TRERF1: variants seen among roughly 807,000 people sequenced by gnomAD.
TRERF1 encodes the protein transcriptional-regulating factor 1.
TRERF1 carries 27 observed loss-of-function variants against 122.9 expected under a neutral mutation model. The ratio of observed to expected loss-of-function variants is 0.22; its 90% CI spans 0.16 to 0.30. TRERF1 has a LOEUF of 0.30. Among genes scored for constraint, TRERF1 ranks in the 10% least tolerant of loss-of-function variants. The probability of loss-of-function intolerance (pLI) is 1.00; values close to 1 mark genes in which losing one functional copy is unlikely to be tolerated. For missense variants in TRERF1, 1,248 were observed against 1,560.3 expected (o/e 0.80, Z 3.37); for synonymous variants, 636 against 641.7 (o/e 0.99, Z 0.13).
chr6:42,360,676 C>T (rs1051132157), intron 3 of TRERF1, among the ~76,000 whole-genome samples: 2 of 149,790 alleles, frequency 1.3e-5, no homozygotes, highest in Admixed American at 6.7e-5. Flanking sequence ...GAACTCTACA[C>T]ACCCCCAGCC....
chr6:42,418,999 C>T (rs191907473), intron 2 of TRERF1, among the ~76,000 whole-genome samples: 1 of 152,312 alleles, frequency 6.6e-6, no homozygotes, highest in East Asian at 1.9e-4. Flanking sequence ...ACAATGCATT[C>T]ACTTCTCCTC....
chr6:42,292,914 GT>G (rs2150161777), intron 4 of TRERF1, among the ~76,000 whole-genome samples: 1 of 152,288 alleles, frequency 6.6e-6, no homozygotes, highest in African/African-American at 2.4e-5. Flanking sequence ...TTTCAAGAGG[GT>G]ACCCAGCTCT....
At chr6:42,439,981 G>A (rs903833149) in intron 2 of TRERF1, among the ~76,000 whole-genome samples, 7 of 152,126 alleles carry the variant, frequency 4.6e-5, no homozygotes, top group Non-Finnish European at 1.5e-5. Context: ...GGCATTTCCA[G>A]CCATTGGGAC....
chr6:42,338,041 T>G (rs1441657930), intron 3 of TRERF1, among the ~76,000 whole-genome samples: 16 of 152,046 alleles, frequency 1.1e-4, no homozygotes, highest in Non-Finnish European at 5.9e-5. Context: ...AGCCCCCAGG[T>G]GATTGTGGGC....
chr6:42,428,952 C>T (rs1179773596), intron 2 of TRERF1, among the ~76,000 whole-genome samples: 1 of 152,142 alleles, frequency 6.6e-6, no homozygotes, highest in East Asian at 1.9e-4. Context: ...TGGGTCACAC[C>T]CAAGGTCCCC....
intron 2 of TRERF1, among the ~76,000 whole-genome samples, chr6:42,429,904 A>G (rs1486191200): frequency 2.6e-5 from 4 of 152,066 alleles, no homozygotes; most frequent in Admixed American, 6.6e-5. Flanking sequence ...CTAACTGGAG[A>G]GGTGAGGAAA....
At chr6:42,287,784 C>T (rs958049626) in intron 4 of TRERF1, among the ~76,000 whole-genome samples, 1 of 152,150 alleles carries the variant, frequency 6.6e-6, no homozygotes, top group African/African-American at 2.4e-5. Flanking sequence ...ATCCATGCTC[C>T]TCTGGTCGGG....
intron 2 of TRERF1, among the ~76,000 whole-genome samples, chr6:42,427,554 CT>C (rs11313717): frequency 0.22 from 31,325 of 142,776 alleles, 4,994 homozygotes; most frequent in African/African-American, 0.47. Context: ...CCCTGCCTTA[CT>C]TTTTTTTTTT....
chr6:42,270,128 C>G (rs530336613), intron 4 of TRERF1, among the ~76,000 whole-genome samples: 2 of 152,266 alleles, frequency 1.3e-5, no homozygotes, highest in African/African-American at 4.8e-5. Flanking sequence ...TAAGGCTGCA[C>G]TGAGTTATGA....
At chr6:42,428,504 G>A (rs1165037498) in intron 2 of TRERF1, among the ~76,000 whole-genome samples, 1 of 152,174 alleles carries the variant, frequency 6.6e-6, no homozygotes, top group Non-Finnish European at 1.5e-5. Context: ...GAAACCCCAG[G>A]TCTCCAGAGC....
At chr6:42,321,430 C>T (rs1583024858) in intron 3 of TRERF1, among the ~76,000 whole-genome samples, 1 of 151,854 alleles carries the variant, frequency 6.6e-6, no homozygotes, top group East Asian at 1.9e-4. Context: ...GATATAATAA[C>T]AGCAAAGTTT....
chr6:42,272,003 A>G (rs1199667371), intron 4 of TRERF1, among the ~76,000 whole-genome samples: 1 of 152,240 alleles, frequency 6.6e-6, no homozygotes, highest in African/African-American at 2.4e-5. Context: ...GACGGGAGGT[A>G]TTAAATTGCT....
intron 4 of TRERF1, among the ~76,000 whole-genome samples, chr6:42,296,449 C>A (rs1006417174): frequency 6.6e-6 from 1 of 152,220 alleles, no homozygotes; most frequent in Non-Finnish European, 1.5e-5. Flanking sequence ...TGACCAAGCA[C>A]TGATGATATC....
chr6:42,324,406 T>C (rs760726279), intron 3 of TRERF1, among the ~76,000 whole-genome samples: 65 of 152,188 alleles, frequency 4.3e-4, no homozygotes, highest in African/African-American at 1.0e-3. Context: ...AAAACTATTG[T>C]AAAATTCATA....
Position 42,277,191 on chromosome 6 carries a change from G to A in TRERF1, c.-258-7343C>T, listed in dbSNP as rs182680189. On this transcript the variant is annotated intron_variant, in intron 4 of 17. Coordinates refer to ENST00000372922, the Ensembl canonical transcript of TRERF1. Reference sequence around the variant, plus strand: ...GAGTCTAGGGTAAATTCCTGGAGGAGGCAGCCATGGTCTGAGTGGGCCTTG... The same window carrying A: ...GAGTCTAGGGTAAATTCCTGGAGGAAGCAGCCATGGTCTGAGTGGGCCTTG... 3.9e-3 allele frequency among the ~76,000 whole-genome samples: 600 copies of A among 152,294 alleles called. 1 individual carries two copies. Among genetic ancestry groups the A allele is most frequent in the Non-Finnish European group, 6.3e-3 (429 of 68,020 alleles).
In TRERF1 at chr6:42,259,835, G is replaced by C. The variant is rs1408458931; in HGVS notation, c.1885-112C>G. 6.9e-7 allele frequency: 1 copy of C among 1,443,684 alleles called. No individual in the cohort carries two copies. The highest frequency in any genetic ancestry group is 1.4e-5 in the African/African-American group (1 of 70,644). The allele number at this position is 1,443,684 out of a possible 1,614,324, so 89.4% of individuals were successfully genotyped here. A position where few individuals can be genotyped will look rare whatever the true frequency, so the allele number is the denominator to read the frequency against. On this transcript the variant is annotated intron_variant, in intron 8 of 17. Coordinates refer to ENST00000372922, the Ensembl canonical transcript of TRERF1. This position sits in a 1 kb window ranked among gnomAD's most constrained non-coding sequence, Gnocchi z 4.9. The stretch of plus-strand genomic sequence containing the variant: ...GTCTAAGCAGAGAGCCCTTCTGCTT[G>C]ACCCCCCCACCCCCAACGCCCCCAC...
At chr6:42,382,882 A>C (rs916164086) in intron 2 of TRERF1, among the ~76,000 whole-genome samples, 59 of 152,152 alleles carry the variant, frequency 3.9e-4, no homozygotes, top group African/African-American at 1.3e-3. Context: ...CCCAGGACAC[A>C]ACAACTGAAA....
In TRERF1 at chr6:42,232,125, G is replaced by T. The variant is rs1432264017; in HGVS notation, c.3278+556C>A. On this transcript the variant is annotated intron_variant, in intron 17 of 17. Transcript: ENST00000372922. The surrounding 1 kb of genome is among the most constrained non-coding windows in gnomAD (Gnocchi z 4.5). ...ATAACAAATAGGTTTTATTTCATGT[G>T]TCAACTCTGATTAATTGGTTGTGCA... Among the ~76,000 whole-genome samples, 1 of 152,146 alleles carries T rather than the reference G, an allele frequency of 6.6e-6. No homozygotes were observed. Among genetic ancestry groups the T allele is most frequent in the Non-Finnish European group, 1.5e-5 (1 of 68,026 alleles).
At chr6:42,267,862 T>C (rs1229158124) in intron 5 of TRERF1, among the ~76,000 whole-genome samples, 1 of 152,220 alleles carries the variant, frequency 6.6e-6, no homozygotes, top group African/African-American at 2.4e-5. Context: ...TGTGGTCCCC[T>C]GGCATGTGAC....
Sources: allele counts gnomAD v4.1 joint callset (sites outside exome capture counted in the v4.1 genomes callset), GRCh38; gene constraint gnomAD v4.1.1; non-coding constraint Gnocchi (gnomAD v3.1); transcripts MANE v1.5; gene names NCBI Gene and HGNC (gene_info 2026-07-23, HGNC 2026-07-21).